The following KIRREL2 variants were observed in gnomAD, a reference collection of about 807,000 sequenced individuals.
The protein encoded by KIRREL2 is kirre like nephrin family adhesion molecule 2.
In KIRREL2, 56 loss-of-function variants were observed where a neutral mutation model predicts 73.4. The ratio of observed to expected loss-of-function variants is 0.76; its 90% CI spans 0.62 to 0.95. The LOEUF (loss-of-function observed/expected upper bound fraction) is 0.95, where lower values mean the gene tolerates loss of function less well. KIRREL2 is among the 40% of genes least tolerant of loss of function. The pLI, the probability that KIRREL2 is intolerant of heterozygous loss-of-function variation, is 0.00. For missense variants in KIRREL2, 896 were observed against 935.0 expected, an observed-to-expected ratio of 0.96 and a Z score of 0.54; for synonymous variants, 407 against 404.0, an observed-to-expected ratio of 1.01 and a Z score of -0.09.
upstream of KIRREL2, chr19:35,856,891 G>A: frequency 3.4e-6 from 2 of 595,660 alleles, no homozygotes; most frequent in Non-Finnish European, 6.1e-6. The surrounding 1 kb of genome is among the most constrained non-coding windows in gnomAD (Gnocchi z 5.9). Flanking sequence ...GAGCGGGATC[G>A]GGCCCTCTTG....
Position 35,862,962 on chromosome 19 carries a change from C to A in KIRREL2, c.1651C>A (p.Arg551=). 1 of 1,588,538 alleles carries A rather than the reference C, an allele frequency of 6.3e-7. No individual in the cohort carries two copies. The highest frequency in any genetic ancestry group is 2.3e-5 in the East Asian group (1 of 44,114). Reference sequence around the variant, plus strand: ...TTTCTCCGAGCAAAAGAACCTGATGCGAATCCCTGGCAGCAGCGACGGCTC... The same window carrying A: ...TTTCTCCGAGCAAAAGAACCTGATGAGAATCCCTGGCAGCAGCGACGGCTC... The part of the protein sequence containing the change: ...ASFSEQKNLM[R]IPGSSDGSSS... Residue 551 remains arginine (R), a synonymous_variant, in exon 13 of 15, where the codon CGA becomes AGA. Coordinates refer to ENST00000360202, the MANE Select transcript of KIRREL2 (RefSeq NM_199180.4).
Position 35,858,827 on chromosome 19 carries a change from G to A in KIRREL2, c.485G>A (p.Arg162Gln), listed in dbSNP as rs369838003. The A allele has an allele frequency of 4.3e-5, 70 of 1,614,068 alleles. No individual in the cohort carries two copies. In the Middle Eastern group the frequency reaches 1.2e-3, roughly 27 times the overall value. The change falls in exon 4 of 15, where the codon CGA (arginine) becomes CAA (glutamine). Residue 162 changes from arginine (R) to glutamine (Q), a missense_variant. Transcript: ENST00000360202. ...CCTACCCCTGAATTGCTGTGGTTCC[G>A]AGATGGGGTCCTGTTGGATGGAGCC... ...ARPTPELLWFRDGVLLDGATF... is the reference protein window; with the variant it reads ...ARPTPELLWFQDGVLLDGATF...
rs760459274 is a variant in KIRREL2 at position 35,866,361 on chromosome 19, C to T, written c.1996C>T (p.His666Tyr). 1 of 1,613,356 alleles carries T rather than the reference C, an allele frequency of 6.2e-7. No individual in the cohort carries two copies. The highest frequency in any genetic ancestry group is 1.7e-4 in the Middle Eastern group (1 of 6,060). Residue 666 changes from histidine to tyrosine, a missense_variant, in exon 15 of 15, where the codon CAC (histidine) becomes TAC (tyrosine). Physicochemically the swap from His to Tyr is moderately conservative, Grantham distance 83. Coordinates refer to ENST00000360202, the MANE Select transcript of KIRREL2 (RefSeq NM_199180.4). ...RARAGYLTTP[H>Y]PRAFTSYIKP... is the part of the protein sequence containing the mutation. ...CAGGGCAGGCTATCTCACCACACCC[C>T]ACCCTCGAGCTTTCACCAGCTACAT...
Position 35,862,474 on chromosome 19 carries a change from T to C in KIRREL2, c.1511-19T>C, listed in dbSNP as rs1048935834. ...GTTCCCCCTCAGCCTTCTCAGGATG[T>C]CCCCTCTGCTCCCTGCAGACTTGCT... is the stretch of plus-strand genomic sequence containing the variant. On this transcript the variant is annotated intron_variant, in intron 11 of 14. Coordinates refer to ENST00000360202, the MANE Select transcript of KIRREL2 (RefSeq NM_199180.4). 1.3e-6 allele frequency: 2 copies of C among 1,587,910 alleles called. No individual in the cohort carries two copies. Among genetic ancestry groups the C allele is most frequent in the Non-Finnish European group, 1.7e-6 (2 of 1,163,264 alleles).
chr19:35,854,478 C>T (rs940313766), upstream of KIRREL2, among the ~76,000 whole-genome samples: 16 of 151,712 alleles, frequency 1.1e-4, no homozygotes, highest in East Asian at 1.8e-3. Flanking sequence ...TGCGCCACCA[C>T]GCCTGGCTAA....
intron 13 of KIRREL2, among the ~76,000 whole-genome samples, chr19:35,863,775 C>T (rs1169871163): frequency 2.0e-5 from 3 of 149,182 alleles, no homozygotes; most frequent in South Asian, 2.1e-4. Context: ...CTTTTTTTTT[C>T]TTTCTTTCTT....
Position 35,866,298 on chromosome 19 carries a change from C to T in KIRREL2, c.1933C>T (p.His645Tyr), listed in dbSNP as rs747684214. 2 of 1,612,690 alleles carry T rather than the reference C, an allele frequency of 1.2e-6. No homozygotes were observed. Among genetic ancestry groups the T allele is most frequent in the African/African-American group, 1.3e-5 (1 of 74,956 alleles). The stretch of plus-strand genomic sequence containing the variant: ...CCCTACCTTCTATGACTTCAACCCA[C>T]ACCTGGGCATGGTCCCCCCCTGCAG... ...GTPTFYDFNP[H>Y]LGMVPPCRLY... The change falls in exon 15 of 15, where the codon CAC (histidine) becomes TAC (tyrosine). Residue 645 changes from histidine (H) to tyrosine (Y), a missense_variant. Transcript: ENST00000360202.
intron 2 of KIRREL2, 75 bp downstream of exon 2, chr19:35,857,569 C>T (rs1973479019): frequency 2.1e-6 from 3 of 1,405,192 alleles, no homozygotes; most frequent in Non-Finnish European, 2.9e-6. Context: ...CCTGCAGTTT[C>T]TATTTTGACA....
At position 35,857,444 on chromosome 19, in the gene KIRREL2, T is replaced by C. The variant is rs772013047; in HGVS notation, c.161T>C (p.Val54Ala). ...PCALGAYWGLVQWTKSGLALG... is the reference protein window; with the variant it reads ...PCALGAYWGLAQWTKSGLALG... ...GCTCTGGGCGCCTACTGGGGGCTAG[T>C]TCAGTGGACTAAGAGTGGGCTGGCC... Residue 54 changes from valine (V) to alanine (A), a missense_variant, in exon 2 of 15, where the codon GTT (valine) becomes GCT (alanine). Coordinates refer to ENST00000360202, the MANE Select transcript of KIRREL2 (RefSeq NM_199180.4). 1.2e-6 allele frequency: 2 copies of C among 1,612,346 alleles called. No homozygotes were observed. The highest frequency in any genetic ancestry group is 1.1e-5 in the South Asian group (1 of 90,896).
At position 35,861,628 on chromosome 19, in the gene KIRREL2, C is replaced by T; in HGVS notation, c.1277C>T (p.Ala426Val). ...RLQCLVFASP[A>V]PDAVVWSWDE... ...CAGTGTCTGGTTTTCGCCTCTCCCG[C>T]CCCAGATGCCGTGGTAAGGAAATGT... The change falls in exon 10 of 15, where the codon GCC becomes GTC. Residue 426 changes from alanine (A) to valine (V), a missense_variant. Transcript: ENST00000360202. 1 of 1,613,124 alleles carries T rather than the reference C, an allele frequency of 6.2e-7. No homozygotes were observed. The highest frequency in any genetic ancestry group is 1.3e-5 in the African/African-American group (1 of 74,970).
intron 1 of KIRREL2, 65 bp from the exon 2 acceptor site, chr19:35,857,280 T>C (rs533346581): frequency 6.8e-6 from 11 of 1,609,124 alleles, no homozygotes; most frequent in Middle Eastern, 2.0e-4. Flanking sequence ...CTGGGACTCC[T>C]GGGTCCTGAA....
At chr19:35,865,419 G>A (rs1008662412) in intron 14 of KIRREL2, among the ~76,000 whole-genome samples, 3 of 152,100 alleles carry the variant, frequency 2.0e-5, no homozygotes, top group Non-Finnish European at 4.4e-5. Context: ...CCAAAGTGCT[G>A]GGATTACAGG....
upstream of KIRREL2, chr19:35,851,909 T>C: frequency 1.5e-6 from 2 of 1,351,308 alleles, no homozygotes; most frequent in South Asian, 1.3e-5. Context: ...TTTCTCTGGG[T>C]CCCTCTCTGT....
intron 4 of KIRREL2, 52 bp downstream of exon 4, chr19:35,858,916 T>C: frequency 1.3e-6 from 2 of 1,594,912 alleles, no homozygotes; most frequent in Non-Finnish European, 1.7e-6. Flanking sequence ...AAACTTGGGT[T>C]ACACTCTGAC....
chr19:35,862,535 C>A lies in KIRREL2; in HGVS notation c.1553C>A (p.Ala518Asp). The A allele has an allele frequency of 6.2e-7, 1 of 1,610,540 alleles. No homozygotes were observed. Among genetic ancestry groups the A allele is most frequent in the Non-Finnish European group, 8.5e-7 (1 of 1,179,978 alleles). Residue 518 changes from alanine (A) to aspartate (D), a missense_variant, in exon 12 of 15, where the codon GCC (alanine) becomes GAC (aspartate). Transcript: ENST00000360202. ...TVRIVAGVAA[A>D]TTTLLMVITG... ...CGGATAGTGGCCGGAGTGGCCGCTG[C>A]CACCACAACTCTCCTTATGGTCATC...
chr19:35,855,112 C>T (rs563638319), upstream of KIRREL2, among the ~76,000 whole-genome samples: 2 of 152,232 alleles, frequency 1.3e-5, no homozygotes, highest in African/African-American at 2.4e-5. Flanking sequence ...CGATGCTGGA[C>T]TTCCATCTTC....
In KIRREL2 at chr19:35,861,806, T is replaced by C. The variant is rs1435163585; in HGVS notation, c.1292T>C (p.Val431Ala). 1.3e-6 allele frequency: 2 copies of C among 1,587,706 alleles called. No individual in the cohort carries two copies. Among genetic ancestry groups the C allele is most frequent in the Non-Finnish European group, 1.7e-6 (2 of 1,166,970 alleles). ...GTCCTCCCTCTTTTGTGCCCCCAGG[T>C]CTGGTCTTGGGATGAGGGCTTCCTG... is the stretch of plus-strand genomic sequence containing the variant. ...VFASPAPDAV[V>A]WSWDEGFLEA... Residue 431 changes from valine (V) to alanine (A), a missense_variant and splice_region_variant, in exon 11 of 15, where the codon GTC becomes GCC. Physicochemically the swap from Val to Ala is moderately conservative, Grantham distance 64. Coordinates refer to ENST00000360202, the MANE Select transcript of KIRREL2 (RefSeq NM_199180.4).
rs1167000821 is a variant in KIRREL2 at position 35,861,612 on chromosome 19, G to T, written c.1261G>T (p.Val421Phe). 1.9e-6 allele frequency: 3 copies of T among 1,613,592 alleles called. No individual in the cohort carries two copies. The highest frequency in any genetic ancestry group is 2.2e-5 in the South Asian group (2 of 91,040). ...GGGCCCTGCTCGCCTCCAGTGTCTG[G>T]TTTTCGCCTCTCCCGCCCCAGATGC... ...LRGPARLQCLVFASPAPDAVV... is the reference protein window; with the variant it reads ...LRGPARLQCLFFASPAPDAVV... The change falls in exon 10 of 15, where the codon GTT becomes TTT. Residue 421 changes from valine (V) to phenylalanine (F), a missense_variant. Physicochemically the swap from Val to Phe is conservative, Grantham distance 50 (BLOSUM62 -1). Coordinates refer to ENST00000360202, the MANE Select transcript of KIRREL2 (RefSeq NM_199180.4).
intron 14 of KIRREL2, 25 bp from the exon 15 acceptor site, chr19:35,866,132 T>C (rs201402302): frequency 4.5e-5 from 72 of 1,590,350 alleles, no homozygotes; most frequent in South Asian, 9.1e-5. Flanking sequence ...TCACAGACTT[T>C]ACTGAGTCCC....
Sources: gnomAD v4.1 joint callset for allele counts (sites outside exome capture counted in the v4.1 genomes callset) on GRCh38, gnomAD v4.1.1 for gene constraint, Gnocchi (gnomAD v3.1) non-coding constraint, MANE v1.5 for transcripts, NCBI Gene and HGNC (gene_info 2026-07-23, HGNC 2026-07-21) for gene names.